EPG5: variants seen among roughly 807,000 people sequenced by gnomAD.
The protein encoded by EPG5 is ectopic P granules protein 5 homolog.
EPG5 carries 159 observed loss-of-function variants against 302.7 expected under a neutral mutation model. The observed-to-expected ratio is 0.53, with a 90% CI of 0.46 to 0.60. EPG5 has a LOEUF of 0.60. EPG5 is among the 20% of genes least tolerant of loss of function. The pLI is 0.00. For synonymous variants in EPG5, 1,158 were observed against 1,136.8 expected (o/e 1.02, Z -0.37); for missense variants, 2,896 against 3,092.4 (o/e 0.94, Z 1.51).
At position 45,928,964 on chromosome 18, in the gene EPG5, C is replaced by G; in HGVS notation, c.2458G>C (p.Gly820Arg). 6.2e-7 allele frequency: 1 copy of G among 1,613,928 alleles called. No individual in the cohort carries two copies. The change falls in exon 13 of 44, where the codon GGT becomes CGT. Residue 820 changes from glycine (G) to arginine (R), a missense_variant. Physicochemically the swap from Gly to Arg is moderately radical, Grantham distance 125. Transcript: ENST00000282041. ...LSTRETFSKV[G>R]RELLGTITAV... is the part of the protein sequence containing the mutation. ...GTGATAGTCCCTAAAAGCTCTCGAC[C>G]AACCTTTGAAAAAGTCTCTCTGGTA...
At chr18:45,834,438 CA>C in the EPG5 span, among the ~76,000 whole-genome samples, 1 of 152,190 alleles carries the variant, frequency 6.6e-6, no homozygotes, top group Non-Finnish European at 1.5e-5. Flanking sequence ...CTCTGAGGCA[CA>C]GGGGAGGGAG....
the EPG5 span, among the ~76,000 whole-genome samples, chr18:45,830,456 G>A: frequency 6.6e-6 from 1 of 152,190 alleles, no homozygotes; most frequent in South Asian, 2.1e-4. Flanking sequence ...TCACTGCAAG[G>A]AGGCATGAAG....
chr18:45,961,344 G>A (rs752445829), intron 1 of EPG5, among the ~76,000 whole-genome samples: 5 of 152,136 alleles, frequency 3.3e-5, no homozygotes, highest in Non-Finnish European at 7.3e-5. Flanking sequence ...GGCCCAACAT[G>A]ACCAGGCTAT....
At chr18:45,953,694 G>A in intron 2 of EPG5, 16 of 985,326 alleles carry the variant, frequency 1.6e-5, no homozygotes, top group Non-Finnish European at 1.6e-5. Context: ...TGGGGGCTCT[G>A]TGTTACACAT....
chr18:45,908,129 C>T, intron 23 of EPG5, 48 bp from the exon 24 acceptor site: 2 of 1,408,868 alleles, frequency 1.4e-6, no homozygotes, highest in Non-Finnish European at 9.6e-7. Context: ...GATGAGCATA[C>T]AAACAAAGCT....
At chr18:45,916,642 C>A in intron 17 of EPG5, 60 bp from the exon 18 acceptor site, 2 of 1,484,890 alleles carry the variant, frequency 1.3e-6, no homozygotes, top group South Asian at 2.8e-5. Flanking sequence ...AGAATTTTCC[C>A]TAATTACTTA....
At chr18:45,864,606 T>A (rs1046067054) in intron 39 of EPG5, among the ~76,000 whole-genome samples, 1 of 152,172 alleles carries the variant, frequency 6.6e-6, no homozygotes, top group African/African-American at 2.4e-5. Context: ...GTTTTGTGAC[T>A]TTTTTTACTG....
intron 39 of EPG5, among the ~76,000 whole-genome samples, chr18:45,861,597 T>C (rs751358921): frequency 1.3e-4 from 20 of 152,220 alleles, no homozygotes; most frequent in Non-Finnish European, 2.1e-4. Context: ...TTCTCCAGCA[T>C]TGCTTGCTGA....
Position 45,943,141 on chromosome 18 carries a change from T to C in EPG5, c.1943+20A>G, listed in dbSNP as rs2145905978. The C allele has an allele frequency of 1.2e-6, 2 of 1,612,018 alleles. No individual in the cohort carries two copies. The highest frequency in any genetic ancestry group is 1.7e-6 in the Non-Finnish European group (2 of 1,178,430). On this transcript the variant is annotated intron_variant, in intron 9 of 43. Transcript: ENST00000282041. ...CCAGGGTGAAAGGAACAGAGAAGGGTAGAGCAACAGCAGTATTACCTGATC... is the reference window on the plus strand; with the variant it reads ...CCAGGGTGAAAGGAACAGAGAAGGGCAGAGCAACAGCAGTATTACCTGATC...
rs1447014980 is a variant in EPG5, at chr18:45,880,084, T to C, written c.5658A>G (p.Ser1886=). The C allele has an allele frequency of 6.3e-7, 1 of 1,585,418 alleles. No homozygotes were observed. Among genetic ancestry groups the C allele is most frequent in the Non-Finnish European group, 8.6e-7 (1 of 1,163,654 alleles). The change falls in exon 32 of 44, where the codon TCA becomes TCG. Residue 1886 remains serine (S), a synonymous_variant. Coordinates refer to ENST00000282041, the MANE Select transcript of EPG5 (RefSeq NM_020964.3). ...VLPSSSDALL[S]DKQVMETIQW... The stretch of plus-strand genomic sequence containing the variant: ...ACCAAAGGCTACACACCTGCTTGTC[T>C]GACAAGAGAGCATCAGAAGAGCTGG...
Position 45,852,980 on chromosome 18 carries a change from G to A in EPG5, c.7558-331C>T, listed in dbSNP as rs549034141. Among the ~76,000 whole-genome samples the A allele has an allele frequency of 7.9e-5, 12 of 152,278 alleles. No homozygotes were observed. The South Asian group carries it at 8.3e-4, about 11-fold the overall frequency. ...TGCTGGGCGCCTCACCTGCCACACC[G>A]ATTTCTAAAGCCTGCCTTGTCCTCG... On this transcript the variant is annotated intron_variant, in intron 43 of 43. Coordinates refer to ENST00000282041, the MANE Select transcript of EPG5 (RefSeq NM_020964.3).
rs750105637 is a variant in EPG5, at chr18:45,929,012, A to T, written c.2413-3T>A. On this transcript the variant is annotated splice_region_variant and splice_polypyrimidine_tract_variant and intron_variant, in intron 12 of 43. Coordinates refer to ENST00000282041, the MANE Select transcript of EPG5 (RefSeq NM_020964.3). The stretch of plus-strand genomic sequence containing the variant: ...GTAGACAAGGTGACATAAGATACCT[A>T]AATGGGGGGAAGGGGGAAGAAGATG... 1.2e-6 allele frequency: 2 copies of T among 1,613,334 alleles called. No homozygotes were observed. Among genetic ancestry groups the T allele is most frequent in the Non-Finnish European group, 1.7e-6 (2 of 1,179,662 alleles).
chr18:45,899,793 C>CA (rs1486226901), intron 26 of EPG5, among the ~76,000 whole-genome samples: 1 of 152,138 alleles, frequency 6.6e-6, no homozygotes, highest in Non-Finnish European at 1.5e-5. Flanking sequence ...AGAAGTGAGA[C>CA]AACTTGATAG....
the EPG5 span, among the ~76,000 whole-genome samples, chr18:45,835,048 C>T: frequency 2.0e-5 from 3 of 151,532 alleles, no homozygotes; most frequent in African/African-American, 4.9e-5. Flanking sequence ...GTCCTCCACT[C>T]GGGTTCAAAA....
At chr18:45,893,980 T>C (rs1316749846) in intron 27 of EPG5, among the ~76,000 whole-genome samples, 1 of 152,120 alleles carries the variant, frequency 6.6e-6, no homozygotes, top group Non-Finnish European at 1.5e-5. Flanking sequence ...AACACATCCA[T>C]TTTGCAGCAC....
At chr18:45,801,361 G>T in the EPG5 span, among the ~76,000 whole-genome samples, 3 of 152,136 alleles carry the variant, frequency 2.0e-5, no homozygotes, top group Admixed American at 2.0e-4. Flanking sequence ...TTGAGACAGG[G>T]TCTCACTATG....
In EPG5 at chr18:45,915,559, T is replaced by C. The variant is rs760079894; in HGVS notation, c.3645A>G (p.Ala1215=). 6.2e-6 allele frequency: 10 copies of C among 1,614,082 alleles called. No individual in the cohort carries two copies. Among genetic ancestry groups the C allele is most frequent in the Non-Finnish European group, 8.5e-7 (1 of 1,180,040 alleles). ...CCACAAAGGAAGGAGTGATGTTGCC[T>C]GCCACAATCCAGCTTACCAAAGATG... ...LLSSLVSWIV[A]GNITPSFVEG... The change falls in exon 20 of 44, where the codon GCA becomes GCG. Residue 1215 remains alanine, a synonymous_variant. Coordinates refer to ENST00000282041, the MANE Select transcript of EPG5 (RefSeq NM_020964.3).
Position 45,955,078 on chromosome 18 carries a change from C to G in EPG5, c.324G>C (p.Glu108Asp). 1 of 1,613,974 alleles carries G rather than the reference C, an allele frequency of 6.2e-7. No individual in the cohort carries two copies. The highest frequency in any genetic ancestry group is 8.5e-7 in the Non-Finnish European group (1 of 1,179,960). Residue 108 changes from glutamate to aspartate, a missense_variant, in exon 2 of 44, where the codon GAG (glutamate) becomes GAC (aspartate). Physicochemically the swap from Glu to Asp is conservative, Grantham distance 45. Around this residue, in one of 5 missense-constraint regions of EPG5, gnomAD observed 1,390 missense variants for 1,430.0 expected, o/e 0.97. Coordinates refer to ENST00000282041, the MANE Select transcript of EPG5 (RefSeq NM_020964.3). ...CNTEPPKEGG[E>D]ARPCVGDSAV... ...CACTGTCCCCCACACAGGGTCTGGC[C>G]TCTCCCCCTTCCTTTGGGGGCTCTG...
chr18:45,852,329 C>T lies in EPG5; in HGVS notation c.*138G>A. 3 of 701,416 alleles carry T rather than the reference C, an allele frequency of 4.3e-6. No homozygotes were observed. The highest frequency in any genetic ancestry group is 7.1e-6 in the Non-Finnish European group (3 of 423,656). 43.4% of individuals were successfully genotyped at this position (701,416 alleles called of 1,614,324 possible). Reference sequence around the variant, plus strand: ...CCCCAAAATTATCTAATATCTAACGCCTCCCAACTTGCATCTCAGTCAACT... The same window carrying T: ...CCCCAAAATTATCTAATATCTAACGTCTCCCAACTTGCATCTCAGTCAACT... On this transcript the variant is annotated 3_prime_UTR_variant, in exon 44 of 44. Coordinates refer to ENST00000282041, the MANE Select transcript of EPG5 (RefSeq NM_020964.3).
Sources: allele counts gnomAD v4.1 joint callset (sites outside exome capture counted in the v4.1 genomes callset), GRCh38; gene constraint gnomAD v4.1.1; regional missense constraint gnomAD v4.1.1; transcripts MANE v1.5; gene names NCBI Gene and HGNC (gene_info 2026-07-23, HGNC 2026-07-21).